The following FBXL17 variants were observed in gnomAD, a reference collection of about 807,000 sequenced individuals.
The protein encoded by FBXL17 is F-box/LRR-repeat protein 17.
In FBXL17, 22 loss-of-function variants were observed where a neutral mutation model predicts 66.2. The observed-to-expected ratio is 0.33, with a 90% confidence interval of 0.24 to 0.47. FBXL17 has a LOEUF of 0.47. Ranked by LOEUF, FBXL17 falls within the 20% of genes least tolerant of loss-of-function variation. The probability of loss-of-function intolerance (pLI) is 1.00; values close to 1 mark genes in which losing one functional copy is unlikely to be tolerated. For missense variants in FBXL17, 878 were observed against 948.2 expected (o/e 0.93, Z 0.97); for synonymous variants, 474 against 400.5 (o/e 1.18, Z -2.19).
At chr5:108,172,466 TTG>T in intron 6 of FBXL17, among the ~76,000 whole-genome samples, 1 of 152,272 alleles carries the variant, frequency 6.6e-6, no homozygotes, top group African/African-American at 2.4e-5. Context: ...CAGCCAGAAA[TTG>T]TGTCTATACT....
At chr5:108,260,227 G>A (rs1268823797) in intron 4 of FBXL17, among the ~76,000 whole-genome samples, 1 of 151,980 alleles carries the variant, frequency 6.6e-6, no homozygotes, top group Non-Finnish European at 1.5e-5. Context: ...TTAGTAATAT[G>A]GGGCAGCTTA....
At chr5:108,296,367 G>T (rs1415466177) in intron 4 of FBXL17, among the ~76,000 whole-genome samples, 1 of 151,808 alleles carries the variant, frequency 6.6e-6, no homozygotes, top group Non-Finnish European at 1.5e-5. Context: ...CAGTGACTTT[G>T]TTATGAAATA....
intron 1 of FBXL17, among the ~76,000 whole-genome samples, chr5:108,371,528 C>T (rs891746985): frequency 1.3e-5 from 2 of 152,110 alleles, no homozygotes; most frequent in African/African-American, 4.8e-5. Context: ...TTTGCTGGCC[C>T]ATTCACAAGA....
At chr5:108,158,278 G>A (rs1477396212) in intron 6 of FBXL17, among the ~76,000 whole-genome samples, 4 of 151,900 alleles carry the variant, frequency 2.6e-5, no homozygotes, top group East Asian at 1.9e-4. Context: ...TACCAACAAC[G>A]AATTAGAAAA....
At chr5:107,966,529 C>T (rs1752147810) in intron 7 of FBXL17, among the ~76,000 whole-genome samples, 1 of 152,134 alleles carries the variant, frequency 6.6e-6, no homozygotes, top group South Asian at 2.1e-4. Context: ...TTCCACTACC[C>T]ACACCTTCAC....
At chr5:108,309,301 TAAC>T (rs1379375888) in intron 4 of FBXL17, among the ~76,000 whole-genome samples, 4 of 152,124 alleles carry the variant, frequency 2.6e-5, no homozygotes, top group Admixed American at 2.0e-4. Context: ...ATACATGTAT[TAAC>T]AAGTCTGAAA....
At chr5:108,150,296 C>G (rs1751719777) in intron 6 of FBXL17, among the ~76,000 whole-genome samples, 1 of 152,114 alleles carries the variant, frequency 6.6e-6, no homozygotes, top group Admixed American at 6.6e-5. Flanking sequence ...TTCAATCTCT[C>G]AGGTCCAAGT....
chr5:108,279,988 T>C (rs1448306138), intron 4 of FBXL17, among the ~76,000 whole-genome samples: 1 of 152,024 alleles, frequency 6.6e-6, no homozygotes, highest in Non-Finnish European at 1.5e-5. Context: ...GTGAAGCAAC[T>C]GAACTTATGA....
intron 7 of FBXL17, among the ~76,000 whole-genome samples, chr5:107,903,035 A>G (rs1425807964): frequency 2.0e-5 from 3 of 152,148 alleles, no homozygotes; most frequent in Non-Finnish European, 4.4e-5. Flanking sequence ...TATTTCATCA[A>G]CCTCTATATG....
At chr5:108,142,119 C>T (rs952081982) in intron 6 of FBXL17, among the ~76,000 whole-genome samples, 14 of 152,166 alleles carry the variant, frequency 9.2e-5, no homozygotes, top group Admixed American at 8.5e-4. Flanking sequence ...AGAAGATAAG[C>T]ATATATAAAC....
chr5:108,338,185 T>C (rs1232942500), intron 4 of FBXL17, among the ~76,000 whole-genome samples: 2 of 87,610 alleles, frequency 2.3e-5, no homozygotes, highest in Non-Finnish European at 4.5e-5. Context: ...CTCAGAGGAG[T>C]TACAATGAAA....
intron 7 of FBXL17, among the ~76,000 whole-genome samples, chr5:107,908,134 T>C (rs1749825497): frequency 6.6e-6 from 1 of 152,190 alleles, no homozygotes; most frequent in Non-Finnish European, 1.5e-5. Flanking sequence ...GATGAGTTCA[T>C]GTCCTTCGTA....
chr5:108,287,991 T>C (rs1757964618), intron 4 of FBXL17, among the ~76,000 whole-genome samples: 1 of 152,030 alleles, frequency 6.6e-6, no homozygotes, highest in African/African-American at 2.4e-5. Flanking sequence ...GAGGCCATTA[T>C]ACCAAGTGAA....
chr5:107,875,170 A>G (rs1334855853), intron 8 of FBXL17, among the ~76,000 whole-genome samples: 1 of 146,414 alleles, frequency 6.8e-6, no homozygotes. Flanking sequence ...CATTTTGGCT[A>G]TGGGCAACCT....
intron 4 of FBXL17, chr5:108,298,256 C>A (rs1758430435): frequency 1.0e-6 from 1 of 984,676 alleles, no homozygotes; most frequent in African/African-American, 1.7e-5. Context: ...CTTCTTGCTA[C>A]TTCTTACTAC....
intron 3 of FBXL17, among the ~76,000 whole-genome samples, chr5:108,350,879 A>G (rs909237021): frequency 1.1e-4 from 16 of 152,364 alleles, no homozygotes; most frequent in African/African-American, 3.1e-4. Flanking sequence ...GAAAGAAAAC[A>G]TGACATCTGG....
At chr5:107,870,322 T>A (rs1008619269) in intron 8 of FBXL17, among the ~76,000 whole-genome samples, 1 of 152,212 alleles carries the variant, frequency 6.6e-6, no homozygotes, top group Non-Finnish European at 1.5e-5. Context: ...TATAGCTTAT[T>A]AGCCCTTCTT....
intron 6 of FBXL17, among the ~76,000 whole-genome samples, chr5:108,099,570 A>T (rs555952889): frequency 2.6e-4 from 39 of 152,296 alleles, no homozygotes; most frequent in African/African-American, 8.7e-4. Context: ...TGGGTAGAGA[A>T]GGGACTAGGA....
chr5:108,322,514 GA>G (rs1474009934), intron 4 of FBXL17, among the ~76,000 whole-genome samples: 2 of 151,876 alleles, frequency 1.3e-5, no homozygotes, highest in African/African-American at 4.8e-5. Context: ...AATAATATAA[GA>G]ATTTTTTTCA....
Sources: gnomAD v4.1 joint callset for allele counts (sites outside exome capture counted in the v4.1 genomes callset) on GRCh38, gnomAD v4.1.1 for gene constraint, MANE v1.5 for transcripts, NCBI Gene and HGNC (gene_info 2026-07-23, HGNC 2026-07-21) for gene names.